The following DET1 variants were observed in gnomAD, a reference collection of about 807,000 sequenced individuals.
DET1 encodes the protein DET1 partner of COP1 E3 ubiquitin ligase.
In DET1, 22 loss-of-function variants were observed where a neutral mutation model predicts 43.7. That is an observed-to-expected ratio of 0.50 (90% CI 0.36 to 0.72). The LOEUF (loss-of-function observed/expected upper bound fraction) is 0.72, where lower values mean the gene tolerates loss of function less well. Among genes scored for constraint, DET1 ranks in the 30% least tolerant of loss-of-function variants. The pLI is 0.00. For missense variants in DET1, 713 were observed against 713.3 expected (o/e 1.00, Z 0.00); for synonymous variants, 315 against 266.2 (o/e 1.18, Z -1.79).
intron 1 of DET1, among the ~76,000 whole-genome samples, chr15:88,542,878 G>T (rs979466091): frequency 2.0e-5 from 3 of 152,154 alleles, no homozygotes; most frequent in Admixed American, 6.5e-5. Context: ...CTGGAAAAAG[G>T]AATGCCCACT....
intron 1 of DET1, chr15:88,536,496 CT>C: frequency 5.4e-6 from 3 of 551,304 alleles, no homozygotes; most frequent in Non-Finnish European, 9.6e-6. Flanking sequence ...GAGGAACAAA[CT>C]GGCCGGGTGC....
chr15:88,529,799 C>A (rs1432955263), intron 2 of DET1, among the ~76,000 whole-genome samples: 2 of 152,238 alleles, frequency 1.3e-5, no homozygotes, highest in African/African-American at 4.8e-5. Flanking sequence ...ACTTGGTCAA[C>A]ACTGAAGTGG....
chr15:88,524,820 A>G (rs953986207), intron 3 of DET1, among the ~76,000 whole-genome samples: 3 of 152,010 alleles, frequency 2.0e-5, no homozygotes, highest in Non-Finnish European at 2.9e-5. Context: ...GCGGAAGGCC[A>G]CAGGGTCCTC....
intron 1 of DET1, among the ~76,000 whole-genome samples, chr15:88,541,537 AT>A (rs1442142154): frequency 6.6e-6 from 1 of 152,134 alleles, no homozygotes; most frequent in Admixed American, 6.5e-5. Context: ...TTTTCAGAGA[AT>A]TACGGAGTCT....
At chr15:88,514,131 G>A (rs905086580) in intron 4 of DET1, among the ~76,000 whole-genome samples, 1 of 152,078 alleles carries the variant, frequency 6.6e-6, no homozygotes, top group African/African-American at 2.4e-5. Flanking sequence ...TCTTTTTCAT[G>A]CACAGAAACA....
At position 88,516,230 on chromosome 15, in the gene DET1, T is replaced by C. The variant is rs894520737; in HGVS notation, c.1463+552A>G. ...GCACACAGAACAGGCTCCATATATG[T>C]AGTGACAGTTGGGTCTGTGAACTAG... On this transcript the variant is annotated intron_variant, in intron 4 of 4. Coordinates refer to ENST00000268148, the MANE Select transcript of DET1 (RefSeq NM_001144074.3). The surrounding 1 kb of genome is among the most constrained non-coding windows in gnomAD (Gnocchi z 4.4). Among the ~76,000 whole-genome samples the C allele has an allele frequency of 1.3e-5, 2 of 152,222 alleles. No homozygotes were observed. Among genetic ancestry groups the C allele is most frequent in the African/African-American group, 4.8e-5 (2 of 41,450 alleles).
At position 88,532,340 on chromosome 15, in the gene DET1, C is replaced by G. The variant is rs375283833; in HGVS notation, c.-10-625G>C. 7.3e-4 allele frequency among the ~76,000 whole-genome samples: 111 copies of G among 152,230 alleles called. No homozygotes were observed. In the South Asian group the frequency reaches 0.021, roughly 29 times the overall value. On this transcript the variant is annotated intron_variant, in intron 1 of 4. Coordinates refer to ENST00000268148, the MANE Select transcript of DET1 (RefSeq NM_001144074.3). The stretch of plus-strand genomic sequence containing the variant: ...AAAAAAATCATATTCAATGTGCATT[C>G]ATTCCAGCAAAAAATATTTATTGGG...
At chr15:88,544,392 G>A (rs772252587) in intron 1 of DET1, among the ~76,000 whole-genome samples, 7 of 152,122 alleles carry the variant, frequency 4.6e-5, no homozygotes, top group Non-Finnish European at 8.8e-5. Context: ...ATGGGAGGGC[G>A]CCGCCTATCT....
chr15:88,536,589 C>T (rs1404029832), intron 1 of DET1, among the ~76,000 whole-genome samples: 1 of 151,684 alleles, frequency 6.6e-6, no homozygotes, highest in Admixed American at 6.6e-5. Context: ...ACCAGCCTGG[C>T]CAACATAGTG....
chr15:88,514,319 G>C (rs2056283848), intron 4 of DET1, among the ~76,000 whole-genome samples: 1 of 152,022 alleles, frequency 6.6e-6, no homozygotes, highest in African/African-American at 2.4e-5. Flanking sequence ...GGGTGGCAGG[G>C]AGGATTCCAG....
chr15:88,530,636 G>A lies in DET1; in HGVS notation c.1070C>T (p.Thr357Ile), dbSNP rs373829199. The A allele has an allele frequency of 1.9e-6, 3 of 1,605,392 alleles. No individual in the cohort carries two copies. Among genetic ancestry groups the A allele is most frequent in the Non-Finnish European group, 2.6e-6 (3 of 1,175,204 alleles). ...TGTACCTCATACCTGTGATGGATCT[G>A]TGACTCGCAGTGTTACTACATCCTC... Reference protein sequence around the residue: ...TSEDVVTLRVTDPSQASFFVV... With the variant: ...TSEDVVTLRVIDPSQASFFVV... The change falls in exon 2 of 5, where the codon ACA (threonine) becomes ATA (isoleucine). Residue 357 changes from threonine to isoleucine, a missense_variant. By Grantham distance (89) the Thr-to-Ile change is moderately conservative. Coordinates refer to ENST00000268148, the MANE Select transcript of DET1 (RefSeq NM_001144074.3).
chr15:88,505,513 A>G (rs1379821862), intron 7 of DET1: 1 of 152,218 alleles, frequency 6.6e-6, no homozygotes. Context: ...TCACAGTATA[A>G]TGTTTTTGAA....
At chr15:88,542,953 G>T (rs1477306584) in intron 1 of DET1, among the ~76,000 whole-genome samples, 1 of 152,202 alleles carries the variant, frequency 6.6e-6, no homozygotes, top group African/African-American at 2.4e-5. Flanking sequence ...GAGCCTGAAT[G>T]ACAGGGCCGT....
At chr15:88,537,618 A>T (rs1298840811) in intron 1 of DET1, among the ~76,000 whole-genome samples, 1 of 152,172 alleles carries the variant, frequency 6.6e-6, no homozygotes, top group African/African-American at 2.4e-5. Flanking sequence ...GATCTTACTT[A>T]TGTTTATGGC....
chr15:88,525,330 A>G (rs544324539), intron 3 of DET1, among the ~76,000 whole-genome samples: 1 of 152,322 alleles, frequency 6.6e-6, no homozygotes, highest in African/African-American at 2.4e-5. Flanking sequence ...GGTACCCCCA[A>G]TTTTTCAAAA....
intron 2 of DET1, among the ~76,000 whole-genome samples, 170 bp downstream of exon 2, chr15:88,530,451 TAA>T (rs2056779906): frequency 6.6e-6 from 1 of 152,196 alleles, no homozygotes; most frequent in Non-Finnish European, 1.5e-5. Context: ...TTTGTCCAGA[TAA>T]ATACATATGA....
Position 88,530,628 on chromosome 15 carries a change from A to G in DET1, c.1078T>C (p.Ser360Pro). 1 of 1,601,700 alleles carries G rather than the reference A, an allele frequency of 6.2e-7. No individual in the cohort carries two copies. Among genetic ancestry groups the G allele is most frequent in the Non-Finnish European group, 8.5e-7 (1 of 1,173,252 alleles). The change falls in exon 2 of 5, where the codon TCA (serine) becomes CCA (proline). Residue 360 changes from serine (S) to proline (P), a missense_variant. Transcript: ENST00000268148. ...GGCAGGAGTGTACCTCATACCTGTG[A>G]TGGATCTGTGACTCGCAGTGTTACT... Reference protein sequence around the residue: ...DVVTLRVTDPSQASFFVVYNM... With the variant: ...DVVTLRVTDPPQASFFVVYNM...
intron 1 of DET1, among the ~76,000 whole-genome samples, chr15:88,539,448 TAAAAAAAAAAAAAA>T (rs34945813): frequency 3.1e-5 from 3 of 96,484 alleles, no homozygotes; most frequent in Non-Finnish European, 5.9e-5. Context: ...CTTGTCTGTC[TAAAAAAAAAAAAAA>T]AAAAAAAAAG....
chr15:88,519,279 C>T (rs2056427531), intron 3 of DET1, among the ~76,000 whole-genome samples: 1 of 152,162 alleles, frequency 6.6e-6, no homozygotes, highest in South Asian at 2.1e-4. Flanking sequence ...TTAGTTCCTG[C>T]CCCAGTGTCA....
Sources: allele counts gnomAD v4.1 joint callset (sites outside exome capture counted in the v4.1 genomes callset), GRCh38; gene constraint gnomAD v4.1.1; non-coding constraint Gnocchi (gnomAD v3.1); transcripts MANE v1.5; gene names NCBI Gene and HGNC (gene_info 2026-07-23, HGNC 2026-07-21).